MCTP2: variants seen among roughly 807,000 people sequenced by gnomAD.
MCTP2 encodes the protein multiple C2 and transmembrane domain-containing protein 2.
In MCTP2, 132 loss-of-function variants were observed where a neutral mutation model predicts 111.6. The ratio of observed to expected loss-of-function variants is 1.18; its 90% confidence interval spans 1.03 to 1.37. The LOEUF (loss-of-function observed/expected upper bound fraction) is 1.37. Among genes scored for constraint, MCTP2 ranks in the 40% most tolerant of loss-of-function variants. The pLI is 0.00. For missense variants in MCTP2, 1,183 were observed against 1,067.9 expected (o/e 1.11, Z -1.50); for synonymous variants, 395 against 387.7 (o/e 1.02, Z -0.22).
chr15:94,276,398 A>G lies in MCTP2; in HGVS notation c.-65-21803A>G, dbSNP rs1307310785. 2.0e-5 allele frequency among the ~76,000 whole-genome samples: 3 copies of G among 152,182 alleles called. 1 individual carries two copies. The highest frequency in any genetic ancestry group is 6.3e-3 in the Middle Eastern group (2 of 316). ...GAGTTTAAAACCAATGAAAAATTCA[A>G]TTCAATCACCAGTTAAATAACTATT... is the stretch of plus-strand genomic sequence containing the variant. On this transcript the variant is annotated intron_variant, in intron 1 of 22. Coordinates refer to ENST00000357742, the MANE Select transcript of MCTP2 (RefSeq NM_001385001.1).
At chr15:94,242,952 C>CAT (rs1302374924) in intron 1 of MCTP2, among the ~76,000 whole-genome samples, 5 of 132,882 alleles carry the variant, frequency 3.8e-5, no homozygotes, top group African/African-American at 1.4e-4. Flanking sequence ...TGTAGATACA[C>CAT]ATATACACGT....
chr15:94,386,505 CAT>C (rs557715047), intron 14 of MCTP2, among the ~76,000 whole-genome samples: 46 of 152,332 alleles, frequency 3.0e-4, no homozygotes, highest in African/African-American at 1.1e-3. Context: ...CCCGAGTTCT[CAT>C]ATCCCTGATG....
At chr15:94,468,559 T>TATA (rs1338646253) in intron 20 of MCTP2, among the ~76,000 whole-genome samples, 1 of 152,158 alleles carries the variant, frequency 6.6e-6, no homozygotes, top group Non-Finnish European at 1.5e-5. Flanking sequence ...CAAATTTGCT[T>TATA]ATAATTTAAA....
At chr15:94,298,782 T>TC in intron 2 of MCTP2, 52 bp downstream of exon 2, 1 of 1,094,812 alleles carries the variant, frequency 9.1e-7, no homozygotes. Context: ...CTCTCTCTCT[T>TC]TCCCTCTCTT....
chr15:94,393,351 A>T (rs1313776944), intron 14 of MCTP2, among the ~76,000 whole-genome samples: 2 of 152,252 alleles, frequency 1.3e-5, no homozygotes, highest in Non-Finnish European at 2.9e-5. Flanking sequence ...CACTTAATTT[A>T]TAATAAACTT....
chr15:94,269,062 G>C (rs1230762829), intron 1 of MCTP2, among the ~76,000 whole-genome samples: 2 of 152,028 alleles, frequency 1.3e-5, no homozygotes, highest in Non-Finnish European at 2.9e-5. Flanking sequence ...TAAATGATTA[G>C]TATAAGGACT....
chr15:94,256,352 A>G (rs1302608416), intron 1 of MCTP2, among the ~76,000 whole-genome samples: 1 of 152,202 alleles, frequency 6.6e-6, no homozygotes, highest in Admixed American at 6.5e-5. Flanking sequence ...GAAATCAGAA[A>G]TACTCTGGTC....
chr15:94,301,083 C>T (rs2075586870), intron 2 of MCTP2, among the ~76,000 whole-genome samples: 1 of 152,106 alleles, frequency 6.6e-6, no homozygotes, highest in Non-Finnish European at 1.5e-5. Context: ...TTGGTTTTTC[C>T]CTTTTAACGC....
intron 1 of MCTP2, among the ~76,000 whole-genome samples, chr15:94,233,305 A>G (rs1437272525): frequency 1.3e-5 from 2 of 152,018 alleles, no homozygotes; most frequent in African/African-American, 2.4e-5. Flanking sequence ...GCCTTTCAAA[A>G]TATGTTAAAA....
At chr15:94,393,498 T>A (rs148219234) in intron 14 of MCTP2, among the ~76,000 whole-genome samples, 1,988 of 152,262 alleles carry the variant, frequency 0.013, 26 homozygotes, top group Middle Eastern at 0.051. Context: ...CAAACACTTG[T>A]AACAAACTTC....
intron 14 of MCTP2, among the ~76,000 whole-genome samples, chr15:94,394,600 C>G (rs1312862708): frequency 6.6e-6 from 1 of 151,818 alleles, no homozygotes; most frequent in Non-Finnish European, 1.5e-5. Context: ...CCTGTTTCTA[C>G]TAAAAATACA....
chr15:94,423,299 T>A (rs2082714668), intron 17 of MCTP2, among the ~76,000 whole-genome samples: 1 of 152,136 alleles, frequency 6.6e-6, no homozygotes. Flanking sequence ...ACCATTCCCA[T>A]TTCACAGAAG....
chr15:94,332,006 T>C (rs898681980), intron 4 of MCTP2, among the ~76,000 whole-genome samples: 2 of 152,202 alleles, frequency 1.3e-5, no homozygotes, highest in East Asian at 3.8e-4. Context: ...GGAATGTGCA[T>C]GTTCTGTTTA....
rs1181757797 is a variant in MCTP2 at position 94,479,038 on chromosome 15, A to G, written c.*4A>G. ...GAAGAAGCGCAGCGCTCTCTAGGGCACACACCGACTTTGGACAGCAGCACC... is the reference window on the plus strand; with the variant it reads ...GAAGAAGCGCAGCGCTCTCTAGGGCGCACACCGACTTTGGACAGCAGCACC... On this transcript the variant is annotated 3_prime_UTR_variant, in exon 23 of 23. Coordinates refer to ENST00000357742, the MANE Select transcript of MCTP2 (RefSeq NM_001385001.1). 2 of 1,613,978 alleles carry G rather than the reference A, an allele frequency of 1.2e-6. No individual in the cohort carries two copies. The highest frequency in any genetic ancestry group is 2.2e-5 in the South Asian group (2 of 91,082).
At chr15:94,326,572 CTT>C (rs11291831) in intron 4 of MCTP2, among the ~76,000 whole-genome samples, 4 of 145,594 alleles carry the variant, frequency 2.7e-5, no homozygotes, top group Admixed American at 6.9e-5. Flanking sequence ...ATTATTGTTA[CTT>C]TTTTTTTTTT....
At chr15:94,239,806 T>C (rs1432450860) in intron 1 of MCTP2, among the ~76,000 whole-genome samples, 2 of 152,206 alleles carry the variant, frequency 1.3e-5, no homozygotes, top group African/African-American at 4.8e-5. Context: ...ACGGTGGGGC[T>C]TGGAAAGTAT....
intron 2 of MCTP2, among the ~76,000 whole-genome samples, chr15:94,312,454 A>G (rs143581257): frequency 3.3e-5 from 5 of 152,354 alleles, no homozygotes; most frequent in African/African-American, 1.2e-4. Context: ...CTTGTCTGTC[A>G]TCAAGCCACA....
chr15:94,401,885 A>G lies in MCTP2; in HGVS notation c.1966-15A>G. The G allele has an allele frequency of 6.3e-7, 1 of 1,595,706 alleles. No individual in the cohort carries two copies. The highest frequency in any genetic ancestry group is 8.5e-7 in the Non-Finnish European group (1 of 1,170,890). On this transcript the variant is annotated splice_polypyrimidine_tract_variant and intron_variant, in intron 16 of 22. Transcript: ENST00000357742. ...ATTTAAATCTAGTTTCCTGTTTGTC[A>G]TTTTTTAAAATCAGATCTTATCAAG... is the stretch of plus-strand genomic sequence containing the variant.
intron 17 of MCTP2, among the ~76,000 whole-genome samples, chr15:94,406,030 G>A (rs2081879839): frequency 6.6e-6 from 1 of 152,036 alleles, no homozygotes; most frequent in Non-Finnish European, 1.5e-5. Flanking sequence ...ATTTCCCTAT[G>A]AATAGATTTG....
Sources: allele counts gnomAD v4.1 joint callset (sites outside exome capture counted in the v4.1 genomes callset), GRCh38; gene constraint gnomAD v4.1.1; transcripts MANE v1.5; gene names NCBI Gene and HGNC (gene_info 2026-07-23, HGNC 2026-07-21).